Variants in MTMR10 observed in about 807,000 individuals in gnomAD.
MTMR10 encodes the protein myotubularin-related protein 10.
Under a neutral mutation model 88.1 loss-of-function variants are expected in MTMR10, and 56 were observed. The observed-to-expected ratio is 0.64, with a 90% CI of 0.51 to 0.79. The LOEUF is 0.79. Ranked by LOEUF, MTMR10 falls within the 30% of genes least tolerant of loss-of-function variation. The pLI is 0.00. For missense variants in MTMR10, 883 were observed against 924.7 expected, an observed-to-expected ratio of 0.95 and a Z score of 0.58; for synonymous variants, 380 against 340.9, an observed-to-expected ratio of 1.11 and a Z score of -1.26.
intron 2 of MTMR10, among the ~76,000 whole-genome samples, 171 bp from the exon 3 acceptor site, chr15:30,977,126 A>T (rs578126874): frequency 6.6e-6 from 1 of 152,190 alleles, no homozygotes; most frequent in Non-Finnish European, 1.5e-5. Context: ...AGTAATGACA[A>T]GGCATTGTTC....
intron 10 of MTMR10, 86 bp from the exon 11 acceptor site, chr15:30,953,717 T>C (rs2063282907): frequency 2.3e-6 from 2 of 871,068 alleles, no homozygotes; most frequent in African/African-American, 1.7e-5. Context: ...GTTTCTAATA[T>C]TTAAAAGTTA....
At chr15:30,987,322 T>C (rs1442766729) in intron 2 of MTMR10, among the ~76,000 whole-genome samples, 2 of 152,238 alleles carry the variant, frequency 1.3e-5, no homozygotes, top group Admixed American at 6.5e-5. Context: ...ACCACATTCC[T>C]GGCACTTTGT....
the MTMR10 span, among the ~76,000 whole-genome samples, chr15:30,921,684 G>A: frequency 1.3e-5 from 2 of 152,058 alleles, no homozygotes; most frequent in Non-Finnish European, 1.5e-5. Context: ...TTTTTCTGGG[G>A]TAAATCATTC....
the MTMR10 span, among the ~76,000 whole-genome samples, chr15:30,924,452 C>T: frequency 6.6e-6 from 1 of 152,202 alleles, no homozygotes; most frequent in African/African-American, 2.4e-5. Context: ...TTCCCACCAG[C>T]AATGCGTGAG....
At chr15:30,957,274 GC>G (rs1417725632) in intron 9 of MTMR10, among the ~76,000 whole-genome samples, 1 of 152,176 alleles carries the variant, frequency 6.6e-6, no homozygotes, top group Non-Finnish European at 1.5e-5. Flanking sequence ...AAAACGACAG[GC>G]GGTAATCAAA....
chr15:30,952,154 T>A, intron 11 of MTMR10, 116 bp from the exon 12 acceptor site: 1 of 874,218 alleles, frequency 1.1e-6, no homozygotes, highest in Non-Finnish European at 1.8e-6. Flanking sequence ...CTGATCATGA[T>A]ATTCCCATAA....
rs753892180 is a variant in MTMR10 at position 30,990,766 on chromosome 15, CTAA to C, written c.121+8_121+10del. The C allele has an allele frequency of 8.1e-6, 13 of 1,605,732 alleles. No homozygotes were observed. Among genetic ancestry groups the C allele is most frequent in the Non-Finnish European group, 1.1e-5 (13 of 1,175,288 alleles). ...GCTAAAGTATCTGTTAGAATCCTAA[CTAA>C]TGTTTACCTGGCAAAAGGACTGGCT... On this transcript the variant is annotated splice_region_variant and intron_variant, in intron 2 of 15. Coordinates refer to ENST00000435680, the MANE Select transcript of MTMR10 (RefSeq NM_017762.3).
At position 30,954,893 on chromosome 15, in the gene MTMR10, C is replaced by A; in HGVS notation, c.936G>T (p.Arg312Ser). 6.5e-7 allele frequency: 1 copy of A among 1,542,112 alleles called. No homozygotes were observed. Residue 312 changes from arginine to serine, a missense_variant and splice_region_variant, in exon 10 of 16, where the codon AGG becomes AGT. Transcript: ENST00000435680. ...GACTTTTAGTTATTGCATTACAAAT[C>A]CTAATAAAGACAAAAATACTTTAGT... Reference protein sequence around the residue: ...DVLQQRKIDQRICNAITKSHP... With the variant: ...DVLQQRKIDQSICNAITKSHP...
At chr15:30,922,283 C>G in the MTMR10 span, 22 of 1,613,980 alleles carry the variant, frequency 1.4e-5, no homozygotes, top group Middle Eastern at 1.6e-4. Context: ...AATTTATTGT[C>G]CTGACAGCAG....
the MTMR10 span, chr15:30,930,475 A>C: frequency 6.6e-7 from 1 of 1,525,914 alleles, no homozygotes; most frequent in South Asian, 1.3e-5. Context: ...CCGTCTCGTG[A>C]TCCCTGGAGC....
At chr15:30,925,958 T>G in the MTMR10 span, 1 of 1,613,330 alleles carries the variant, frequency 6.2e-7, no homozygotes, top group African/African-American at 1.3e-5. Context: ...GCAGGCTTTC[T>G]CTTGTGGCAC....
intron 2 of MTMR10, 140 bp from the exon 3 acceptor site, chr15:30,977,095 C>T: frequency 1.3e-6 from 1 of 766,866 alleles, no homozygotes; most frequent in Non-Finnish European, 2.1e-6. Context: ...GTGCCAGGCA[C>T]TGTATGGTCA....
Position 30,976,873 on chromosome 15 carries a change from C to G in MTMR10, c.204G>C (p.Leu68=). Residue 68 remains leucine, a synonymous_variant, in exon 3 of 16, where the codon CTG becomes CTC. Transcript: ENST00000435680. ...AGGAGATTTTGAAGTTACTGCATAT[C>G]AGCTTTCCCCACAAATCGTACTGGC... ...DTSQYDLWGK[L]ICSNFKISFI... The G allele has an allele frequency of 6.2e-7, 1 of 1,613,874 alleles. No individual in the cohort carries two copies. The highest frequency in any genetic ancestry group is 1.1e-5 in the South Asian group (1 of 91,070).
intron 6 of MTMR10, among the ~76,000 whole-genome samples, chr15:30,966,558 A>T (rs1428635056): frequency 6.6e-6 from 1 of 152,228 alleles, no homozygotes; most frequent in Non-Finnish European, 1.5e-5. Flanking sequence ...ACTCTGGGTG[A>T]GGATCTTATT....
In MTMR10 at chr15:30,976,562, TAATGAA is replaced by T. The variant is rs531026325; in HGVS notation, c.258+251_258+256del. Among the ~76,000 whole-genome samples, 542 of 152,338 alleles carry T rather than the reference TAATGAA, an allele frequency of 3.6e-3. 2 individuals are homozygous for T. Among genetic ancestry groups the T allele is most frequent in the African/African-American group, 0.012 (499 of 41,578 alleles). ...TCTGCAACAGAGGGAATAACTTCCTTAATGAAAAGGACATATAATGAACGATCACAG... is the reference window on the plus strand; with the variant it reads ...TCTGCAACAGAGGGAATAACTTCCTTAAGGACATATAATGAACGATCACAG... On this transcript the variant is annotated intron_variant, in intron 3 of 15. Transcript: ENST00000435680.
At chr15:30,966,145 G>A in intron 6 of MTMR10, 1 of 379,856 alleles carries the variant, frequency 2.6e-6, no homozygotes, top group Non-Finnish European at 5.4e-6. Flanking sequence ...GGAGGAGTCT[G>A]AAGGATGTAA....
intron 15 of MTMR10, chr15:30,942,386 C>G: frequency 5.2e-6 from 2 of 384,566 alleles, no homozygotes; most frequent in South Asian, 8.6e-5. Context: ...CCGATTCTAT[C>G]AAGAACAATG....
At chr15:30,948,100 T>A (rs929350715) in intron 13 of MTMR10, among the ~76,000 whole-genome samples, 1 of 152,226 alleles carries the variant, frequency 6.6e-6, no homozygotes, top group Non-Finnish European at 1.5e-5. Context: ...TAGACAACTT[T>A]TAAAAATTTC....
Position 30,940,540 on chromosome 15 carries a change from C to T in MTMR10, c.*930G>A, listed in dbSNP as rs968474357. 1.0e-5 allele frequency: 10 copies of T among 985,416 alleles called. No homozygotes were observed. Among genetic ancestry groups the T allele is most frequent in the Non-Finnish European group, 9.6e-6 (8 of 830,056 alleles). The allele number at this position is 985,416 out of a possible 1,614,324, so 61.0% of individuals were successfully genotyped here. On this transcript the variant is annotated 3_prime_UTR_variant, in exon 16 of 16. Transcript: ENST00000435680. ...GCAATAGTTTACCACACTGGAAATACTGATGGCCAAGCCCAGCACGCCTCC... is the reference window on the plus strand; with the variant it reads ...GCAATAGTTTACCACACTGGAAATATTGATGGCCAAGCCCAGCACGCCTCC...
Sources: gnomAD v4.1 joint callset for allele counts (sites outside exome capture counted in the v4.1 genomes callset) on GRCh38, gnomAD v4.1.1 for gene constraint, MANE v1.5 for transcripts, NCBI Gene and HGNC (gene_info 2026-07-23, HGNC 2026-07-21) for gene names.